The following TSC2 variants were observed in gnomAD, a reference collection of about 807,000 sequenced individuals.
The protein encoded by TSC2 is TSC complex subunit 2.
Under a neutral mutation model 202.2 loss-of-function variants are expected in TSC2, and 29 were observed. That is an observed-to-expected ratio of 0.14 (90% CI 0.11 to 0.20). TSC2 has a LOEUF of 0.20. TSC2 is among the 10% of genes least tolerant of loss of function. The pLI is 1.00. For synonymous variants in TSC2, 1,349 were observed against 1,044.0 expected, an observed-to-expected ratio of 1.29 and a Z score of -5.63; for missense variants, 2,429 against 2,420.0, an observed-to-expected ratio of 1.00 and a Z score of -0.08.
chr16:2,048,343 TCGGGCGGGG>T, intron 1 of TSC2: 1 of 904,078 alleles, frequency 1.1e-6, no homozygotes, highest in Non-Finnish European at 1.8e-6. Flanking sequence ...GTGCACTGAG[TCGGGCGGGG>T]CGGGCGGCAG....
chr16:2,064,554 C>CA (rs1237828631), intron 15 of TSC2, 127 bp downstream of exon 15: 1 of 1,447,484 alleles, frequency 6.9e-7, no homozygotes, highest in East Asian at 2.4e-5. Context: ...AGGCTCCCCT[C>CA]CCTGCAGGGT....
chr16:2,084,132 T>C (rs2151518781), intron 33 of TSC2, 96 bp from the exon 34 acceptor site: 1 of 1,543,548 alleles, frequency 6.5e-7, no homozygotes. Context: ...GGCCCTGGGA[T>C]GGAGGACAGA....
At chr16:2,064,545 G>C in intron 15 of TSC2, 118 bp downstream of exon 15, 1 of 1,503,202 alleles carries the variant, frequency 6.7e-7, no homozygotes, top group Non-Finnish European at 9.1e-7. Flanking sequence ...CCGTAGGTGA[G>C]GCTCCCCTCC....
intron 32 of TSC2, chr16:2,083,329 C>T (rs2090364720): frequency 4.4e-6 from 2 of 457,804 alleles, no homozygotes; most frequent in Admixed American, 5.0e-5. Context: ...CCGCAGCTCT[C>T]CTCGGTTACG....
At position 2,077,664 on chromosome 16, in the gene TSC2, G is replaced by A. The variant is rs765438249; in HGVS notation, c.2904G>A (p.Glu968=). ...NNSPPVKEFK[E]SSAAEAFRCR... The stretch of plus-strand genomic sequence containing the variant: ...CTCCACCCGTGAAAGAATTCAAGGA[G>A]AGCTCTGCAGCCGAGGCCTTCCGGT... Residue 968 remains glutamate, a synonymous_variant, in exon 26 of 42, where the codon GAG becomes GAA. Transcript: ENST00000219476. 1 of 1,613,094 alleles carries A rather than the reference G, an allele frequency of 6.2e-7. No homozygotes were observed. Among genetic ancestry groups the A allele is most frequent in the Non-Finnish European group, 8.5e-7 (1 of 1,180,016 alleles).
At chr16:2,065,225 A>G in intron 15 of TSC2, 1 of 375,398 alleles carries the variant, frequency 2.7e-6, no homozygotes, top group Non-Finnish European at 5.1e-6. Context: ...CATCCTGGCT[A>G]ACACGGTGAA....
rs113543786 is a variant in TSC2, at chr16:2,065,463, C to G, written c.1600-56C>G. The G allele has an allele frequency of 2.9e-3, 3,650 of 1,259,308 alleles. 70 individuals are homozygous for G. The African/African-American group carries it at 0.042, about 14-fold the overall frequency. 78.0% of individuals were successfully genotyped at this position (1,259,308 alleles called of 1,614,324 possible). ...GTGTTTGTGGTAGAAAGTGTTCTCACGGCTGCTGACTCAGAACCATGAGCC... is the reference window on the plus strand; with the variant it reads ...GTGTTTGTGGTAGAAAGTGTTCTCAGGGCTGCTGACTCAGAACCATGAGCC... On this transcript the variant is annotated intron_variant, in intron 15 of 41. Coordinates refer to ENST00000219476, the MANE Select transcript of TSC2 (RefSeq NM_000548.5).
chr16:2,056,154 T>A (rs1368939898), intron 6 of TSC2, 42 bp from the exon 7 acceptor site: 7 of 1,612,516 alleles, frequency 4.3e-6, no homozygotes, highest in Admixed American at 1.7e-5. Context: ...GGCTCGGCCA[T>A]CCAGGCAGTG....
At chr16:2,049,905 G>GCA (rs1365941716) in intron 2 of TSC2, among the ~76,000 whole-genome samples, 1 of 151,152 alleles carries the variant, frequency 6.6e-6, no homozygotes, top group African/African-American at 2.4e-5. Flanking sequence ...AAAAAAAATT[G>GCA]CACATTCTCA....
In TSC2 at chr16:2,056,253, C is replaced by G. The variant is rs756588732; in HGVS notation, c.648+9C>G. The G allele has an allele frequency of 3.7e-6, 6 of 1,614,014 alleles. No homozygotes were observed. The highest frequency in any genetic ancestry group is 5.1e-6 in the Non-Finnish European group (6 of 1,180,026). On this transcript the variant is annotated intron_variant, in intron 7 of 41. Coordinates refer to ENST00000219476, the MANE Select transcript of TSC2 (RefSeq NM_000548.5). ...CCTCTGTGGACATAGAGGTCAGTGCCTCCCCTCCCCAGGGCCGGCCCATTT... is the reference window on the plus strand; with the variant it reads ...CCTCTGTGGACATAGAGGTCAGTGCGTCCCCTCCCCAGGGCCGGCCCATTT...
rs587781782 is a variant in TSC2 at position 2,079,595 on chromosome 16, C to T, written c.3323C>T (p.Ala1108Val). 1.9e-6 allele frequency: 3 copies of T among 1,611,626 alleles called. No individual in the cohort carries two copies. Among genetic ancestry groups the T allele is most frequent in the East Asian group, 2.2e-5 (1 of 44,822 alleles). The change falls in exon 29 of 42, where the codon GCG becomes GTG. Residue 1108 changes from alanine to valine, a missense_variant. Physicochemically the swap from Ala to Val is moderately conservative, Grantham distance 64. Coordinates refer to ENST00000219476, the MANE Select transcript of TSC2 (RefSeq NM_000548.5). This position sits in a 1 kb window ranked among gnomAD's most constrained non-coding sequence, Gnocchi z 4.6. ...GTGCATGTGAGACAGACCAAGGAGG[C>T]GCCGGCCAAGCTGGAGTCCCAGGCT... is the stretch of plus-strand genomic sequence containing the variant. ...PGVHVRQTKE[A>V]PAKLESQAGQ...
Position 2,065,501 on chromosome 16 carries a change from C to G in TSC2, c.1600-18C>G. 6 of 1,605,864 alleles carry G rather than the reference C, an allele frequency of 3.7e-6. No homozygotes were observed. The highest frequency in any genetic ancestry group is 4.3e-6 in the Non-Finnish European group (5 of 1,174,160). ...AGAACCATGAGCCTGTGTGTAAGTC[C>G]TGGCCTTCTCTTCAAAGGTGATGGC... On this transcript the variant is annotated intron_variant, in intron 15 of 41. Coordinates refer to ENST00000219476, the MANE Select transcript of TSC2 (RefSeq NM_000548.5).
chr16:2,080,756 T>C (rs370685265), intron 30 of TSC2: 4 of 260,406 alleles, frequency 1.5e-5, no homozygotes, highest in East Asian at 9.7e-5. Context: ...AGTGCTGGGA[T>C]TACAGGCGTG....
intron 2 of TSC2, among the ~76,000 whole-genome samples, chr16:2,049,722 G>C (rs1014577935): frequency 6.6e-6 from 1 of 151,440 alleles, no homozygotes; most frequent in African/African-American, 2.4e-5. Flanking sequence ...GCTACTCGGG[G>C]GGCTGAGACG....
Position 2,072,264 on chromosome 16 carries a change from G to A in TSC2, c.2121G>A (p.Lys707=), listed in dbSNP as rs2151316314. 1 of 1,614,136 alleles carries A rather than the reference G, an allele frequency of 6.2e-7. No individual in the cohort carries two copies. Among genetic ancestry groups the A allele is most frequent in the Non-Finnish European group, 8.5e-7 (1 of 1,180,046 alleles). The change falls in exon 20 of 42, where the codon AAG becomes AAA. Residue 707 remains lysine, a synonymous_variant. Coordinates refer to ENST00000219476, the MANE Select transcript of TSC2 (RefSeq NM_000548.5). ...AGGAGTCTGACTGGAAGGTGCTGAA[G>A]CTGGTTCTGGGCAGGCTGCCTGAGT... The part of the protein sequence containing the change: ...LKQESDWKVL[K]LVLGRLPESL...
chr16:2,072,778 T>TCCCCAGCCCCTCTGGCTA, intron 20 of TSC2, 71 bp from the exon 21 acceptor site: 1 of 1,610,284 alleles, frequency 6.2e-7, no homozygotes, highest in East Asian at 2.2e-5. Context: ...TCCCAGGGCC[T>TCCCCAGCCCCTCTGGCTA]CCCCAGCCCC....
Position 2,070,488 on chromosome 16 carries a change from C to G in TSC2, c.1749C>G (p.Ala583=). 6.2e-7 allele frequency: 1 copy of G among 1,613,434 alleles called. No individual in the cohort carries two copies. Among genetic ancestry groups the G allele is most frequent in the Non-Finnish European group, 8.5e-7 (1 of 1,180,028 alleles). The change falls in exon 17 of 42, where the codon GCC becomes GCG. Residue 583 remains alanine (A), a synonymous_variant. Coordinates refer to ENST00000219476, the MANE Select transcript of TSC2 (RefSeq NM_000548.5). ...TKLYTLPASH[A]TRVYEMLVSH... ...TGTACACCCTGCCTGCAAGCCACGC[C>G]ACGCGTGTGTATGAGATGCTGGTCA...
rs780433271 is a variant in TSC2, at chr16:2,056,131, C to T, written c.600-65C>T. 7.5e-6 allele frequency: 12 copies of T among 1,604,390 alleles called. No homozygotes were observed. The East Asian group carries it at 2.2e-4, about 30-fold the overall frequency. On this transcript the variant is annotated intron_variant, in intron 6 of 41. Transcript: ENST00000219476. ...TATTGACGTCATAGAGTGACTAGAC[C>T]ACAGCCCGTGGTGGCTCGGCCATCC...
At chr16:2,060,521 C>T in intron 10 of TSC2, 149 bp from the exon 11 acceptor site, 1 of 1,362,482 alleles carries the variant, frequency 7.3e-7, no homozygotes. Context: ...TCCTGGGCGC[C>T]CCACCTGCTG....
Sources: gnomAD v4.1 joint callset for allele counts (sites outside exome capture counted in the v4.1 genomes callset) on GRCh38, gnomAD v4.1.1 for gene constraint, Gnocchi (gnomAD v3.1) non-coding constraint, MANE v1.5 for transcripts, NCBI Gene and HGNC (gene_info 2026-07-23, HGNC 2026-07-21) for gene names.